The following EVL variants were observed in gnomAD, a reference collection of about 807,000 sequenced individuals.
The protein encoded by EVL is ena/VASP-like protein.
Under a neutral mutation model 59.6 loss-of-function variants are expected in EVL, and 21 were observed. The observed-to-expected ratio is 0.35, with a 90% CI of 0.25 to 0.51. The LOEUF is 0.51. EVL is among the 20% of genes least tolerant of loss of function. The pLI is 0.97. For missense variants in EVL, 462 were observed against 546.6 expected (o/e 0.85, Z 1.54); for synonymous variants, 198 against 203.5 (o/e 0.97, Z 0.23).
intron 1 of EVL, among the ~76,000 whole-genome samples, chr14:100,035,546 G>A (rs983161901): frequency 6.6e-6 from 1 of 152,070 alleles, no homozygotes; most frequent in Admixed American, 6.5e-5. Context: ...TTTCACTGAT[G>A]GGGAGAGCGC....
In EVL at chr14:100,109,954, C is replaced by CT. The variant is rs2140342850; in HGVS notation, c.358+12297dup. Reference sequence around the variant, plus strand: ...CTCAGTTTCGCCATCTGTGAAATGGCTGAATCAGACTCACCTCACAGGGTT... The same window carrying CT: ...CTCAGTTTCGCCATCTGTGAAATGGCTTGAATCAGACTCACCTCACAGGGTT... On this transcript the variant is annotated intron_variant, in intron 3 of 13. Coordinates refer to ENST00000392920, the MANE Select transcript of EVL (RefSeq NM_016337.3). The surrounding 1 kb of genome is among the most constrained non-coding windows in gnomAD (Gnocchi z 4.3). 6.6e-6 allele frequency among the ~76,000 whole-genome samples: 1 copy of CT among 152,324 alleles called. No individual in the cohort carries two copies. Among genetic ancestry groups the CT allele is most frequent in the Admixed American group, 6.5e-5 (1 of 15,304 alleles).
intron 1 of EVL, among the ~76,000 whole-genome samples, chr14:99,973,621 C>T (rs2060750149): frequency 6.6e-6 from 1 of 152,164 alleles, no homozygotes; most frequent in Non-Finnish European, 1.5e-5. Context: ...TACCACCACA[C>T]CTGGCTGATT....
chr14:100,139,527 A>C (rs933496266), intron 11 of EVL: 7 of 152,302 alleles, frequency 4.6e-5, no homozygotes, highest in African/African-American at 1.7e-4. Flanking sequence ...AGAGGCCTGA[A>C]GGACCCAGGG....
At chr14:100,107,399 G>A (rs1436539426) in intron 3 of EVL, 5 of 397,922 alleles carry the variant, frequency 1.3e-5, no homozygotes, top group Non-Finnish European at 2.2e-5. Flanking sequence ...TGGGAGCCAG[G>A]GAAGGAGGCT....
chr14:100,141,759 A>G lies in EVL; in HGVS notation c.1185A>G (p.Arg395=). Reference sequence around the variant, plus strand: ...AGGAGATCCTAGAGGAGGTGGTGAGAGAGCTCCACAAGGTGAAGGAGGAGA... The same window carrying G: ...AGGAGATCCTAGAGGAGGTGGTGAGGGAGCTCCACAAGGTGAAGGAGGAGA... The part of the protein sequence containing the change: ...MKQEILEEVV[R]ELHKVKEEII... Residue 395 remains arginine (R), a synonymous_variant, in exon 13 of 14, where the codon AGA becomes AGG. Coordinates refer to ENST00000392920, the MANE Select transcript of EVL (RefSeq NM_016337.3). 6.2e-7 allele frequency: 1 copy of G among 1,613,528 alleles called. No homozygotes were observed. The highest frequency in any genetic ancestry group is 8.5e-7 in the Non-Finnish European group (1 of 1,179,946).
At chr14:100,068,668 G>A (rs2061987836) in intron 1 of EVL, among the ~76,000 whole-genome samples, 1 of 152,172 alleles carries the variant, frequency 6.6e-6, no homozygotes, top group East Asian at 1.9e-4. Flanking sequence ...TAGCCTCCAG[G>A]ACTATCTGGT....
chr14:100,126,674 G>T lies in EVL; in HGVS notation c.423-33G>T, dbSNP rs375861143. 8 of 1,612,366 alleles carry T rather than the reference G, an allele frequency of 5.0e-6. No individual in the cohort carries two copies. In the South Asian group the frequency reaches 7.7e-5, roughly 15 times the overall value. On this transcript the variant is annotated intron_variant, in intron 4 of 13. Transcript: ENST00000392920. ...GAGTGTGGTGGTCTCCAGAGTGGAG[G>T]AGTCAGACTGCCCTGCTGTGATTAC...
rs534574705 is a variant in EVL at position 100,121,932 on chromosome 14, G to A, written c.359-1607G>A. On this transcript the variant is annotated intron_variant, in intron 3 of 13. Coordinates refer to ENST00000392920, the MANE Select transcript of EVL (RefSeq NM_016337.3). ...AATGCTAGACAGGGTCGCTGGGACAGGGACTCAGCTCCCAGAAGGACAAAA... is the reference window on the plus strand; with the variant it reads ...AATGCTAGACAGGGTCGCTGGGACAAGGACTCAGCTCCCAGAAGGACAAAA... 6.6e-5 allele frequency among the ~76,000 whole-genome samples: 10 copies of A among 152,322 alleles called. No individual in the cohort carries two copies. The East Asian group carries it at 1.5e-3, about 24-fold the overall frequency.
chr14:100,122,629 C>T (rs557172542), intron 3 of EVL, among the ~76,000 whole-genome samples: 30 of 152,354 alleles, frequency 2.0e-4, no homozygotes, highest in African/African-American at 6.0e-4. Context: ...AACAAAGCCA[C>T]TTCCCCATCT....
chr14:100,107,951 CGAA>C, intron 3 of EVL: 1 of 152,236 alleles, frequency 6.6e-6, no homozygotes, highest in East Asian at 1.9e-4. Flanking sequence ...GGAATCCGGG[CGAA>C]TTAAAACACA....
chr14:99,985,044 A>C (rs933145755), intron 1 of EVL, among the ~76,000 whole-genome samples: 1 of 152,098 alleles, frequency 6.6e-6, no homozygotes, highest in Non-Finnish European at 1.5e-5. Flanking sequence ...TTAAGTTGTT[A>C]TATCTCTTTA....
At chr14:100,082,580 G>A (rs1418894019) in intron 1 of EVL, among the ~76,000 whole-genome samples, 1 of 152,230 alleles carries the variant, frequency 6.6e-6, no homozygotes, top group Non-Finnish European at 1.5e-5. Context: ...AGTAAGTTAA[G>A]TTTCCCATCA....
chr14:100,141,078 C>T (rs1889135076), intron 11 of EVL, 102 bp from the exon 12 acceptor site: 9 of 1,109,892 alleles, frequency 8.1e-6, no homozygotes, highest in South Asian at 3.0e-5. Context: ...CTCTATGGAG[C>T]GAGGGGAGCA....
intron 3 of EVL, among the ~76,000 whole-genome samples, chr14:100,115,780 C>T (rs1198682711): frequency 1.3e-5 from 2 of 152,178 alleles, no homozygotes; most frequent in East Asian, 3.8e-4. Flanking sequence ...AGAAAATTCA[C>T]GCCGGGTTCC....
At chr14:100,015,399 G>A (rs2061042526) in intron 1 of EVL, among the ~76,000 whole-genome samples, 1 of 152,196 alleles carries the variant, frequency 6.6e-6, no homozygotes, top group Admixed American at 6.5e-5. Flanking sequence ...GTTTGTATCA[G>A]CGTCTCCATG....
intron 1 of EVL, among the ~76,000 whole-genome samples, chr14:100,080,063 T>G (rs1342318469): frequency 1.4e-5 from 2 of 142,304 alleles, no homozygotes; most frequent in Non-Finnish European, 3.1e-5. Context: ...TGTGTTTTGC[T>G]TTTTTTTTTT....
At chr14:100,090,657 C>T (rs1022351733) in intron 2 of EVL, among the ~76,000 whole-genome samples, 6 of 151,960 alleles carry the variant, frequency 3.9e-5, no homozygotes, top group African/African-American at 1.2e-4. Flanking sequence ...GGAATAAAGC[C>T]GGAAAACCGT....
At chr14:100,100,403 T>A (rs1356076916) in intron 3 of EVL, among the ~76,000 whole-genome samples, 1 of 152,154 alleles carries the variant, frequency 6.6e-6, no homozygotes, top group Non-Finnish European at 1.5e-5. Flanking sequence ...AAGCTTTTGC[T>A]TCAGCCGAGG....
At chr14:100,115,036 G>C (rs1300316151) in intron 3 of EVL, among the ~76,000 whole-genome samples, 1 of 87,680 alleles carries the variant, frequency 1.1e-5, no homozygotes, top group Non-Finnish European at 2.3e-5. Context: ...TGATTGGAGA[G>C]ATTAGTCACA....
Sources: gnomAD v4.1 joint callset for allele counts (sites outside exome capture counted in the v4.1 genomes callset) on GRCh38, gnomAD v4.1.1 for gene constraint, Gnocchi (gnomAD v3.1) non-coding constraint, MANE v1.5 for transcripts, NCBI Gene and HGNC (gene_info 2026-07-23, HGNC 2026-07-21) for gene names.